The following NUMB variants were observed in gnomAD, a reference collection of about 807,000 sequenced individuals.
NUMB encodes the protein NUMB endocytic adaptor protein, also known as protein numb homolog.
NUMB carries 29 observed loss-of-function variants against 59.7 expected under a neutral mutation model. The observed-to-expected ratio is 0.49, with a 90% CI of 0.36 to 0.66. The LOEUF is 0.66. Ranked by LOEUF, NUMB falls within the 30% of genes least tolerant of loss-of-function variation. The pLI is 0.00. For synonymous variants in NUMB, 288 were observed against 288.2 expected (o/e 1.00, Z 0.01); for missense variants, 723 against 822.0 (o/e 0.88, Z 1.47).
At chr14:73,334,349 A>G (rs2139957801) in intron 4 of NUMB, among the ~76,000 whole-genome samples, 1 of 152,160 alleles carries the variant, frequency 6.6e-6, no homozygotes, top group South Asian at 2.1e-4. Flanking sequence ...TTTTTGCACT[A>G]TCTTTATTAA....
At chr14:73,446,946 T>A (rs1229645510) in intron 1 of NUMB, among the ~76,000 whole-genome samples, 2 of 151,848 alleles carry the variant, frequency 1.3e-5, no homozygotes, top group Non-Finnish European at 2.9e-5. Flanking sequence ...CCCAGCACTT[T>A]GGGAGGCCGA....
At chr14:73,456,273 C>T (rs1884366309) in intron 1 of NUMB, among the ~76,000 whole-genome samples, 1 of 152,152 alleles carries the variant, frequency 6.6e-6, no homozygotes, top group South Asian at 2.1e-4. Context: ...CCACGCCCAG[C>T]TAATTTTGTA....
intron 4 of NUMB, among the ~76,000 whole-genome samples, chr14:73,325,781 T>G (rs914849458): frequency 6.6e-6 from 1 of 152,100 alleles, no homozygotes; most frequent in African/African-American, 2.4e-5. Context: ...CCCCTCTCTT[T>G]TATTGGTTCT....
intron 1 of NUMB, among the ~76,000 whole-genome samples, chr14:73,445,885 C>A (rs1013898188): frequency 1.3e-5 from 2 of 152,062 alleles, no homozygotes; most frequent in Non-Finnish European, 2.9e-5. Flanking sequence ...GGGGTTCCAT[C>A]ATTCATCAGT....
chr14:73,290,814 A>G (rs1233538343), intron 8 of NUMB, among the ~76,000 whole-genome samples: 1 of 152,210 alleles, frequency 6.6e-6, no homozygotes, highest in Admixed American at 6.5e-5. Flanking sequence ...CCAAAATCCA[A>G]AATGCTCCAA....
chr14:73,416,502 T>C (rs180942953), intron 1 of NUMB, among the ~76,000 whole-genome samples: 117 of 152,232 alleles, frequency 7.7e-4, no homozygotes, highest in Admixed American at 3.1e-3. Flanking sequence ...TTTGACCCAA[T>C]AGTTACACTT....
chr14:73,433,794 G>C (rs772241089), intron 1 of NUMB, among the ~76,000 whole-genome samples: 7 of 151,496 alleles, frequency 4.6e-5, no homozygotes, highest in Non-Finnish European at 7.4e-5. Flanking sequence ...TGCAAACTTA[G>C]AAATCCCGAT....
intron 2 of NUMB, among the ~76,000 whole-genome samples, chr14:73,395,492 G>A (rs1896089706): frequency 1.3e-5 from 2 of 152,010 alleles, no homozygotes; most frequent in African/African-American, 4.8e-5. Context: ...GCAGTGGTGT[G>A]TCCCTATAGT....
intron 2 of NUMB, among the ~76,000 whole-genome samples, chr14:73,406,920 C>T (rs942108493): frequency 9.2e-5 from 14 of 152,190 alleles, no homozygotes; most frequent in African/African-American, 2.2e-4. Flanking sequence ...TCATATCCTT[C>T]GCCCACTTTT....
intron 6 of NUMB, chr14:73,299,273 T>A (rs1248766748): frequency 1.3e-5 from 2 of 152,138 alleles, no homozygotes; most frequent in African/African-American, 4.8e-5. Context: ...ATAAGGACTT[T>A]GATCTTGATT....
intron 2 of NUMB, among the ~76,000 whole-genome samples, chr14:73,375,926 T>TC (rs1435138997): frequency 6.6e-6 from 1 of 152,172 alleles, no homozygotes; most frequent in Non-Finnish European, 1.5e-5. Context: ...ACAAAGCATG[T>TC]CCATTTTTAA....
At chr14:73,429,213 T>C (rs1172700537) in intron 1 of NUMB, among the ~76,000 whole-genome samples, 1 of 151,772 alleles carries the variant, frequency 6.6e-6, no homozygotes, top group Admixed American at 6.6e-5. Flanking sequence ...CTACTCAAAA[T>C]ACAAAAAAAT....
chr14:73,431,384 T>C (rs967128858), intron 1 of NUMB, among the ~76,000 whole-genome samples: 2 of 151,450 alleles, frequency 1.3e-5, no homozygotes, highest in Admixed American at 1.3e-4. Context: ...GCCTCCCTAG[T>C]AGCTGGGATT....
intron 1 of NUMB, among the ~76,000 whole-genome samples, chr14:73,433,422 A>C (rs1467284628): frequency 6.6e-6 from 1 of 151,898 alleles, no homozygotes; most frequent in Non-Finnish European, 1.5e-5. Context: ...ACTCCATCTC[A>C]AAAAAAAATT....
intron 2 of NUMB, among the ~76,000 whole-genome samples, chr14:73,367,330 CATAT>C (rs369452106): frequency 0.18 from 20,723 of 115,972 alleles, 2,127 homozygotes; most frequent in Non-Finnish European, 0.22. Flanking sequence ...CACATATATA[CATAT>C]ATATATATAT....
At chr14:73,455,061 C>A (rs1174015050) in intron 1 of NUMB, among the ~76,000 whole-genome samples, 1 of 152,024 alleles carries the variant, frequency 6.6e-6, no homozygotes, top group African/African-American at 2.4e-5. Flanking sequence ...CTTTAGAACT[C>A]AGATATGCAA....
At chr14:73,286,128 A>T (rs2139813990) in intron 9 of NUMB, 1 of 150,710 alleles carries the variant, frequency 6.6e-6, no homozygotes, top group Non-Finnish European at 1.5e-5. Flanking sequence ...GGGCTCCAGC[A>T]ATCCTCTGGT....
At chr14:73,416,379 T>G (rs1897129310) in intron 1 of NUMB, among the ~76,000 whole-genome samples, 4 of 151,864 alleles carry the variant, frequency 2.6e-5, no homozygotes, top group Admixed American at 2.6e-4. Context: ...AGAATAAGTT[T>G]AAAGGTTGTG....
chr14:73,407,161 CA>C (rs539925620), intron 2 of NUMB, among the ~76,000 whole-genome samples: 5 of 134,934 alleles, frequency 3.7e-5, no homozygotes, highest in Admixed American at 7.5e-5. Flanking sequence ...TTTTTAAATG[CA>C]AAAAAAAAAC....
Sources: gnomAD v4.1 joint callset for allele counts (sites outside exome capture counted in the v4.1 genomes callset) on GRCh38, gnomAD v4.1.1 for gene constraint, MANE v1.5 for transcripts, NCBI Gene and HGNC (gene_info 2026-07-23, HGNC 2026-07-21) for gene names.